The following LRRC4C variants were observed in gnomAD, a reference collection of about 807,000 sequenced individuals.
LRRC4C encodes the protein leucine-rich repeat-containing protein 4C.
LRRC4C carries 5 observed loss-of-function variants against 33.6 expected under a neutral mutation model. The observed-to-expected ratio is 0.15, with a 90% CI of 0.08 to 0.31. The LOEUF (loss-of-function observed/expected upper bound fraction) is 0.31. Ranked by LOEUF, LRRC4C falls within the 10% of genes least tolerant of loss-of-function variation. The probability of loss-of-function intolerance (pLI) is 1.00; values close to 1 mark genes in which losing one functional copy is unlikely to be tolerated. For missense variants in LRRC4C, 560 were observed against 796.7 expected, an observed-to-expected ratio of 0.70 and a Z score of 3.58; for synonymous variants, 329 against 302.0, an observed-to-expected ratio of 1.09 and a Z score of -0.93.
intron 3 of LRRC4C, among the ~76,000 whole-genome samples, chr11:40,522,268 G>A (rs527552696): frequency 2.0e-5 from 3 of 152,296 alleles, no homozygotes; most frequent in East Asian, 3.9e-4. Flanking sequence ...GACCTCAGGC[G>A]ATCCACCCAC....
At chr11:40,502,480 AG>A (rs1299859329) in intron 3 of LRRC4C, among the ~76,000 whole-genome samples, 1 of 152,168 alleles carries the variant, frequency 6.6e-6, no homozygotes, top group African/African-American at 2.4e-5. Flanking sequence ...GGGAGGTGAA[AG>A]GCACTTCTTA....
At chr11:40,609,677 A>C (rs951378381) in intron 3 of LRRC4C, among the ~76,000 whole-genome samples, 15 of 151,996 alleles carry the variant, frequency 9.9e-5, no homozygotes, top group African/African-American at 3.6e-4. Context: ...AAAAGAGAGA[A>C]GACTTAGTAA....
intron 1 of LRRC4C, among the ~76,000 whole-genome samples, chr11:41,312,397 G>C (rs1279405422): frequency 6.6e-6 from 1 of 152,158 alleles, no homozygotes; most frequent in Non-Finnish European, 1.5e-5. Flanking sequence ...TACCAGTACA[G>C]AGTAATGTTT....
At position 40,206,542 on chromosome 11, in the gene LRRC4C, T is replaced by TA. The variant is rs531443750; in HGVS notation, c.-96+34976dup. Among the ~76,000 whole-genome samples the TA allele has an allele frequency of 3.3e-3, 507 of 152,286 alleles. 1 individual carries two copies. The highest frequency in any genetic ancestry group is 0.012 in the African/African-American group (485 of 41,568). ...CAGGAGTGAGCCACCGCACCTGGCC[T>TA]ATTGCCATTTTTCAGGCAGGTTAAG... On this transcript the variant is annotated intron_variant, in intron 5 of 6. Coordinates refer to ENST00000528697, the MANE Select transcript of LRRC4C (RefSeq NM_001258419.2).
At chr11:40,820,352 C>T (rs1447402877) in intron 2 of LRRC4C, among the ~76,000 whole-genome samples, 4 of 151,834 alleles carry the variant, frequency 2.6e-5, no homozygotes, top group East Asian at 1.9e-4. Context: ...TGAAAATTCT[C>T]GAGCTGAAAA....
At chr11:40,569,988 T>A (rs1426200257) in intron 3 of LRRC4C, among the ~76,000 whole-genome samples, 1 of 151,978 alleles carries the variant, frequency 6.6e-6, no homozygotes, top group Non-Finnish European at 1.5e-5. Context: ...GGTAACATTG[T>A]ATAAAATGCA....
intron 1 of LRRC4C, among the ~76,000 whole-genome samples, chr11:41,395,952 C>G (rs1050137063): frequency 4.6e-5 from 7 of 152,060 alleles, no homozygotes; most frequent in African/African-American, 1.7e-4. Flanking sequence ...CTTGTCCAAT[C>G]TGCCACCCAT....
At chr11:41,085,101 C>T (rs1368918915) in intron 1 of LRRC4C, among the ~76,000 whole-genome samples, 1 of 152,304 alleles carries the variant, frequency 6.6e-6, no homozygotes, top group Middle Eastern at 3.4e-3. Flanking sequence ...CTCATAATGA[C>T]ACTTGTCCTT....
intron 3 of LRRC4C, among the ~76,000 whole-genome samples, chr11:40,409,818 A>G (rs1460695580): frequency 2.0e-5 from 3 of 152,100 alleles, no homozygotes; most frequent in Non-Finnish European, 2.9e-5. Context: ...GGGAAATGAT[A>G]TGGAGGTTCC....
chr11:41,428,870 A>G (rs2138399919), intron 1 of LRRC4C, among the ~76,000 whole-genome samples: 2 of 152,260 alleles, frequency 1.3e-5, no homozygotes, highest in Middle Eastern at 6.8e-3. Context: ...ACAACTGGAG[A>G]TGTATGTGAC....
At chr11:40,365,868 A>G (rs1948185271) in intron 3 of LRRC4C, among the ~76,000 whole-genome samples, 1 of 152,098 alleles carries the variant, frequency 6.6e-6, no homozygotes, top group Non-Finnish European at 1.5e-5. Context: ...GCAAGCCAAT[A>G]CATACTATTG....
chr11:41,063,871 A>G (rs1297144386), intron 1 of LRRC4C, among the ~76,000 whole-genome samples: 1 of 152,176 alleles, frequency 6.6e-6, no homozygotes, highest in Non-Finnish European at 1.5e-5. Flanking sequence ...CAATCAGATC[A>G]TAGTAAGTGG....
chr11:40,257,741 G>A (rs1024325530), intron 4 of LRRC4C, among the ~76,000 whole-genome samples: 1 of 152,164 alleles, frequency 6.6e-6, no homozygotes, highest in African/African-American at 2.4e-5. Context: ...ATGTCTGGAT[G>A]TCTGGATATG....
At chr11:40,349,655 A>G (rs1370040561) in intron 3 of LRRC4C, among the ~76,000 whole-genome samples, 2 of 152,070 alleles carry the variant, frequency 1.3e-5, no homozygotes, top group African/African-American at 2.4e-5. Flanking sequence ...CCATACTGTT[A>G]TTTATAGTGA....
chr11:40,819,478 G>A (rs1039299943), intron 2 of LRRC4C, among the ~76,000 whole-genome samples: 1 of 152,164 alleles, frequency 6.6e-6, no homozygotes, highest in Non-Finnish European at 1.5e-5. Flanking sequence ...CTTTGTTGTA[G>A]TTGATGTTGG....
intron 1 of LRRC4C, among the ~76,000 whole-genome samples, chr11:41,324,178 C>T (rs934235425): frequency 1.3e-5 from 2 of 152,100 alleles, no homozygotes; most frequent in Non-Finnish European, 2.9e-5. Context: ...TGCCTGTAAT[C>T]CCAGCACTTT....
intron 1 of LRRC4C, among the ~76,000 whole-genome samples, chr11:40,955,309 G>T (rs1328561460): frequency 1.3e-5 from 2 of 151,624 alleles, no homozygotes; most frequent in Non-Finnish European, 2.9e-5. Flanking sequence ...GGGACAAAAT[G>T]CCTTAAACAT....
chr11:40,972,304 T>G (rs1291673026), intron 1 of LRRC4C, among the ~76,000 whole-genome samples: 1 of 152,022 alleles, frequency 6.6e-6, no homozygotes, highest in East Asian at 1.9e-4. Flanking sequence ...GTCTGGCTAA[T>G]TTTTGTATTT....
At chr11:40,252,356 A>T (rs1428506660) in intron 4 of LRRC4C, among the ~76,000 whole-genome samples, 1 of 151,866 alleles carries the variant, frequency 6.6e-6, no homozygotes, top group Non-Finnish European at 1.5e-5. Context: ...ACACATACAC[A>T]CATACACCCC....
Sources: gnomAD v4.1 joint callset for allele counts (sites outside exome capture counted in the v4.1 genomes callset) on GRCh38, gnomAD v4.1.1 for gene constraint, MANE v1.5 for transcripts, NCBI Gene and HGNC (gene_info 2026-07-23, HGNC 2026-07-21) for gene names.